The following UBOX5 variants were observed in gnomAD, a reference collection of about 807,000 sequenced individuals.
UBOX5 encodes U-box domain containing 5, also known as RING finger protein 37.
A neutral mutation model predicts 39.0 loss-of-function variants in UBOX5; 28 were observed. The ratio of observed to expected loss-of-function variants is 0.72; its 90% CI spans 0.53 to 0.98. UBOX5 has a LOEUF of 0.98. Ranked by LOEUF, UBOX5 falls within the 50% of genes least tolerant of loss-of-function variation. UBOX5 has a pLI of 0.00. For missense variants in UBOX5, 585 were observed against 674.4 expected (o/e 0.87, Z 1.47); for synonymous variants, 283 against 275.5 (o/e 1.03, Z -0.27).
At chr20:3,127,685 T>C (rs898034683) in intron 1 of UBOX5, among the ~76,000 whole-genome samples, 11 of 152,208 alleles carry the variant, frequency 7.2e-5, no homozygotes, top group African/African-American at 1.9e-4. Flanking sequence ...TACTTCTTTA[T>C]GCCTTCTAGT....
Position 3,110,071 on chromosome 20 carries a change from C to T in UBOX5, c.*35G>A. ...TGCTCCTGTTCCCCCTCAGCTCCTC[C>T]CAGCAATGGGTCTCCTCCAGTGGAG... On this transcript the variant is annotated 3_prime_UTR_variant, in exon 5 of 5. Coordinates refer to ENST00000217173, the MANE Select transcript of UBOX5 (RefSeq NM_014948.4). 1.2e-6 allele frequency: 2 copies of T among 1,605,608 alleles called. No individual in the cohort carries two copies. The highest frequency in any genetic ancestry group is 1.7e-6 in the Non-Finnish European group (2 of 1,179,334).
intron 1 of UBOX5, among the ~76,000 whole-genome samples, chr20:3,138,882 C>T (rs542552398): frequency 1.3e-5 from 2 of 152,128 alleles, no homozygotes; most frequent in South Asian, 2.1e-4. Context: ...ACCATAGCTG[C>T]GTTATACAAT....
At chr20:3,126,015 G>C (rs1403513491) in intron 1 of UBOX5, among the ~76,000 whole-genome samples, 1 of 152,270 alleles carries the variant, frequency 6.6e-6, no homozygotes, top group African/African-American at 2.4e-5. Context: ...TAGCTCCGAA[G>C]AGACAGCGAA....
Position 3,149,326 on chromosome 20 carries a change from T to TA in UBOX5, c.-42+10439dup. ...TAAAAGCATCCAAATTTACACATTA[T>TA]AAAAAACAGGTTGAAACTACACTGC... On this transcript the variant is annotated intron_variant, in intron 1 of 4. Coordinates refer to ENST00000217173, the MANE Select transcript of UBOX5 (RefSeq NM_014948.4). The surrounding 1 kb of genome is among the most constrained non-coding windows in gnomAD (Gnocchi z 4.1). 1 of 482,142 alleles carries TA rather than the reference T, an allele frequency of 2.1e-6. No homozygotes were observed. The allele number at this position is 482,142 out of a possible 1,614,324, so 29.9% of individuals were successfully genotyped here.
In UBOX5 at chr20:3,107,926, A is replaced by G. The variant is rs559288047; in HGVS notation, c.*2180T>C. The G allele has an allele frequency of 4.9e-4, 75 of 152,224 alleles. No homozygotes were observed. The highest frequency in any genetic ancestry group is 1.8e-3 in the African/African-American group (75 of 41,522). 9.4% of individuals were successfully genotyped at this position (152,224 alleles called of 1,614,324 possible). The stretch of plus-strand genomic sequence containing the variant: ...GGAGCGCCGTGCTGACGCTGACTGC[A>G]CGCTAGGGCTCTCGGGGTTGGGTGG... On this transcript the variant is annotated 3_prime_UTR_variant, in exon 5 of 5. Coordinates refer to ENST00000217173, the MANE Select transcript of UBOX5 (RefSeq NM_014948.4). The surrounding 1 kb of genome is among the most constrained non-coding windows in gnomAD (Gnocchi z 5.0).
At chr20:3,134,261 C>T (rs1187159474) in intron 1 of UBOX5, among the ~76,000 whole-genome samples, 2 of 151,970 alleles carry the variant, frequency 1.3e-5, no homozygotes, top group Non-Finnish European at 2.9e-5. Flanking sequence ...TTCATTTTAA[C>T]TTCCTCATAT....
chr20:3,132,213 G>A (rs1208491672), intron 1 of UBOX5, among the ~76,000 whole-genome samples: 1 of 151,598 alleles, frequency 6.6e-6, no homozygotes, highest in Admixed American at 6.6e-5. Flanking sequence ...TGAAGGCTGA[G>A]GCAGGAGAAT....
intron 4 of UBOX5, chr20:3,110,521 A>C (rs934813991): frequency 2.2e-5 from 13 of 599,718 alleles, no homozygotes; most frequent in Non-Finnish European, 3.0e-5. Flanking sequence ...ATCTTTGACC[A>C]AATCTCAGTG....
At chr20:3,110,464 G>A (rs45592236) in intron 4 of UBOX5, 150 bp from the exon 5 acceptor site, 63,075 of 889,314 alleles carry the variant, frequency 0.071, 2,797 homozygotes, top group Non-Finnish European at 0.086. Flanking sequence ...GTAGGGGAGT[G>A]GAAGCGGGAG....
chr20:3,111,467 C>T (rs1462760106), intron 4 of UBOX5, among the ~76,000 whole-genome samples: 1 of 152,204 alleles, frequency 6.6e-6, no homozygotes, highest in Non-Finnish European at 1.5e-5. Flanking sequence ...CTGCTTTCTA[C>T]CTCTTAGGAG....
chr20:3,136,331 ACTTT>A (rs1370395557), intron 1 of UBOX5, among the ~76,000 whole-genome samples: 1 of 151,280 alleles, frequency 6.6e-6, no homozygotes, highest in African/African-American at 2.4e-5. Flanking sequence ...TTTCAAAGCT[ACTTT>A]CTAAGAGATT....
At chr20:3,123,790 ATAGTGG>A (rs1455891735) in intron 1 of UBOX5, among the ~76,000 whole-genome samples, 1 of 152,222 alleles carries the variant, frequency 6.6e-6, no homozygotes, top group Non-Finnish European at 1.5e-5. Context: ...AAAAATAATT[ATAGTGG>A]TGGTAAGCAT....
intron 3 of UBOX5, 88 bp downstream of exon 3, chr20:3,121,296 G>A: frequency 6.6e-7 from 1 of 1,513,796 alleles, no homozygotes; most frequent in Non-Finnish European, 8.9e-7. Flanking sequence ...ATGTAAGCTG[G>A]CCAAGCACAA....
intron 3 of UBOX5, 112 bp from the exon 4 acceptor site, chr20:3,115,578 T>A (rs888829747): frequency 7.6e-6 from 9 of 1,182,750 alleles, no homozygotes; most frequent in African/African-American, 1.6e-5. Context: ...CACATCAATG[T>A]AATGAAACTC....
At chr20:3,112,428 GAAAA>G (rs11477759) in intron 4 of UBOX5, among the ~76,000 whole-genome samples, 1 of 121,036 alleles carries the variant, frequency 8.3e-6, no homozygotes, top group African/African-American at 2.8e-5. Context: ...TTCAGTGACA[GAAAA>G]AAAAAAAAAA....
At chr20:3,147,280 G>T in intron 1 of UBOX5, 1 of 1,614,186 alleles carries the variant, frequency 6.2e-7, no homozygotes, top group East Asian at 2.2e-5. Context: ...ATGGCTTCAG[G>T]TTAACATCAA....
rs2066334311 is a variant in UBOX5, at chr20:3,121,402, G to A, written c.1237C>T (p.His413Tyr). The A allele has an allele frequency of 6.2e-7, 1 of 1,612,800 alleles. No individual in the cohort carries two copies. Among genetic ancestry groups the A allele is most frequent in the Admixed American group, 1.7e-5 (1 of 59,928 alleles). ...MKATNEPSLT[H>Y]MDCSTGPLSH... ...GAATTACCTGTCGAGCAGTCCATATGTGTCAGGCTGGGCTCATTGGTGGCT... is the reference window on the plus strand; with the variant it reads ...GAATTACCTGTCGAGCAGTCCATATATGTCAGGCTGGGCTCATTGGTGGCT... Residue 413 changes from histidine (H) to tyrosine (Y), a missense_variant, in exon 3 of 5, where the codon CAT (histidine) becomes TAT (tyrosine). Coordinates refer to ENST00000217173, the MANE Select transcript of UBOX5 (RefSeq NM_014948.4).
Position 3,148,594 on chromosome 20 carries a change from C to G in UBOX5, c.-42+11172G>C, listed in dbSNP as rs149862009. 2.6e-4 allele frequency: 422 copies of G among 1,614,022 alleles called. 1 individual carries two copies. Among genetic ancestry groups the G allele is most frequent in the Non-Finnish European group, 3.4e-4 (400 of 1,180,052 alleles). Reference sequence around the variant, plus strand: ...ACAAATAATCAACAATGACTTGAGCCTGGAGATTATTTTGATTAACTCTGA... The same window carrying G: ...ACAAATAATCAACAATGACTTGAGCGTGGAGATTATTTTGATTAACTCTGA... On this transcript the variant is annotated intron_variant, in intron 1 of 4. Coordinates refer to ENST00000217173, the MANE Select transcript of UBOX5 (RefSeq NM_014948.4).
chr20:3,142,769 T>A (rs2066528214), intron 1 of UBOX5, among the ~76,000 whole-genome samples: 1 of 98,108 alleles, frequency 1.0e-5, no homozygotes, highest in African/African-American at 3.6e-5. Context: ...AGAAACTCTG[T>A]CTCAAAAAAA....
Sources: allele counts gnomAD v4.1 joint callset (sites outside exome capture counted in the v4.1 genomes callset), GRCh38; gene constraint gnomAD v4.1.1; non-coding constraint Gnocchi (gnomAD v3.1); transcripts MANE v1.5; gene names NCBI Gene and HGNC (gene_info 2026-07-23, HGNC 2026-07-21).